Variants in TBC1D23 observed in about 807,000 individuals in gnomAD.
TBC1D23 encodes the protein HCV non-structural protein 4A-transactivated protein 1.
Under a neutral mutation model 91.4 loss-of-function variants are expected in TBC1D23, and 55 were observed. That is an observed-to-expected ratio of 0.60 (90% CI 0.48 to 0.75). The LOEUF (loss-of-function observed/expected upper bound fraction) is 0.75. Among genes scored for constraint, TBC1D23 ranks in the 30% least tolerant of loss-of-function variants. TBC1D23 has a pLI of 0.00. For missense variants in TBC1D23, 725 were observed against 836.1 expected, an observed-to-expected ratio of 0.87 and a Z score of 1.64; for synonymous variants, 289 against 281.0, an observed-to-expected ratio of 1.03 and a Z score of -0.28.
intron 5 of TBC1D23, among the ~76,000 whole-genome samples, chr3:100,294,077 T>TA (rs1452583195): frequency 6.6e-6 from 1 of 152,194 alleles, no homozygotes; most frequent in Non-Finnish European, 1.5e-5. Context: ...CTTTAGCTGT[T>TA]AAAAATTTTT....
intron 16 of TBC1D23, 54 bp from the exon 17 acceptor site, chr3:100,319,015 G>C (rs1471023092): frequency 8.3e-7 from 1 of 1,201,150 alleles, no homozygotes; most frequent in African/African-American, 1.6e-5. Context: ...GTTAGGGAAT[G>C]TATCATTTTA....
intron 11 of TBC1D23, 68 bp downstream of exon 11, chr3:100,302,305 T>C: frequency 7.6e-7 from 1 of 1,322,502 alleles, no homozygotes; most frequent in Non-Finnish European, 1.0e-6. Context: ...TTTACATAGA[T>C]AACTTTTTGC....
intron 1 of TBC1D23, among the ~76,000 whole-genome samples, chr3:100,270,840 C>T (rs939335622): frequency 6.7e-4 from 102 of 151,842 alleles, no homozygotes; most frequent in Non-Finnish European, 1.2e-3. Context: ...TAGACTTTGG[C>T]CACTTTAAGA....
chr3:100,272,635 A>G (rs2067609098), intron 1 of TBC1D23, among the ~76,000 whole-genome samples: 1 of 152,150 alleles, frequency 6.6e-6, no homozygotes, highest in Admixed American at 6.5e-5. Flanking sequence ...CATATGGAGG[A>G]TCCCGCCAGC....
intron 14 of TBC1D23, among the ~76,000 whole-genome samples, chr3:100,310,775 C>T (rs760640328): frequency 9.2e-5 from 14 of 152,300 alleles, no homozygotes; most frequent in Non-Finnish European, 1.8e-4. Flanking sequence ...CACATCATGC[C>T]ATTCACTAAA....
At chr3:100,296,585 C>CT in intron 8 of TBC1D23, among the ~76,000 whole-genome samples, 1 of 151,996 alleles carries the variant, frequency 6.6e-6, no homozygotes, top group Non-Finnish European at 1.5e-5. Flanking sequence ...CAGGGCCGGG[C>CT]GTGGTGGCTC....
chr3:100,286,050 G>A (rs2067739331), intron 4 of TBC1D23, among the ~76,000 whole-genome samples: 1 of 152,048 alleles, frequency 6.6e-6, no homozygotes, highest in African/African-American at 2.4e-5. Context: ...AGGTGATTCT[G>A]ATATGCACCA....
intron 16 of TBC1D23, among the ~76,000 whole-genome samples, chr3:100,317,402 T>C (rs2148872624): frequency 6.6e-6 from 1 of 152,342 alleles, no homozygotes; most frequent in African/African-American, 2.4e-5. Flanking sequence ...GTCTTCCAGT[T>C]GACACTGGTG....
At chr3:100,261,205 C>G in intron 1 of TBC1D23, 134 bp downstream of exon 1, 1 of 815,632 alleles carries the variant, frequency 1.2e-6, no homozygotes, top group Non-Finnish European at 2.0e-6. Flanking sequence ...GTGCCCTGCC[C>G]TACCCCTCTG....
At chr3:100,314,601 G>A (rs1017330152) in intron 15 of TBC1D23, among the ~76,000 whole-genome samples, 1 of 151,960 alleles carries the variant, frequency 6.6e-6, no homozygotes, top group Non-Finnish European at 1.5e-5. Flanking sequence ...TCCTGTCTCT[G>A]AAAAAATAAA....
intron 1 of TBC1D23, 59 bp downstream of exon 1, chr3:100,261,130 G>A: frequency 6.5e-7 from 1 of 1,536,370 alleles, no homozygotes; most frequent in East Asian, 2.3e-5. Flanking sequence ...TCACCATCTT[G>A]CCGGTCCCCG....
Position 100,302,168 on chromosome 3 carries a change from CTG to C in TBC1D23, c.1196_1197del (p.Cys399PhefsTer46). The C allele has an allele frequency of 1.2e-6, 2 of 1,614,056 alleles. No homozygotes were observed. Among genetic ancestry groups the C allele is most frequent in the African/African-American group, 2.7e-5 (2 of 75,040 alleles). On this transcript the variant is annotated frameshift_variant, in exon 11 of 19. Transcript: ENST00000394144. LOFTEE classifies it high-confidence loss of function. ...SGSIAGGEHL[C>X]FMGSGREEED... The stretch of plus-strand genomic sequence containing the variant: ...GCTCCATAGCTGGTGGGGAGCACCT[CTG>C]TTTTATGGGCAGTGGCAGGGAGGAA...
intron 15 of TBC1D23, 80 bp from the exon 16 acceptor site, chr3:100,316,019 G>A: frequency 8.7e-7 from 1 of 1,147,886 alleles, no homozygotes; most frequent in South Asian, 1.2e-5. Flanking sequence ...CATTTTGTGT[G>A]AATATTCAAA....
At position 100,299,068 on chromosome 3, in the gene TBC1D23, A is replaced by G. The variant is rs1408532644; in HGVS notation, c.1000-171A>G. ...GTTTTAACTGTTTAAAAGAAATAAA[A>G]GTATTTAGGACCTTCGGGTTATTTT... On this transcript the variant is annotated intron_variant, in intron 9 of 18. Coordinates refer to ENST00000394144, the MANE Select transcript of TBC1D23 (RefSeq NM_001199198.3). Among the ~76,000 whole-genome samples, 7 of 152,370 alleles carry G rather than the reference A, an allele frequency of 4.6e-5. No individual in the cohort carries two copies. In the East Asian group the frequency reaches 1.2e-3, roughly 25 times the overall value.
At chr3:100,319,303 A>G (rs1705808787) in intron 17 of TBC1D23, 99 bp downstream of exon 17, 1 of 948,358 alleles carries the variant, frequency 1.1e-6, no homozygotes, top group Non-Finnish European at 1.6e-6. Flanking sequence ...TCCTAGTACA[A>G]TAAGATATAA....
At chr3:100,304,286 CTTTGT>C (rs1235004455) in intron 11 of TBC1D23, among the ~76,000 whole-genome samples, 2 of 151,984 alleles carry the variant, frequency 1.3e-5, no homozygotes, top group African/African-American at 4.8e-5. Context: ...GTTCAGACTT[CTTTGT>C]TTAGGGGAAG....
intron 15 of TBC1D23, among the ~76,000 whole-genome samples, chr3:100,313,572 C>T (rs562030153): frequency 5.6e-4 from 86 of 152,222 alleles, no homozygotes; most frequent in South Asian, 1.2e-3. Context: ...TCTTGATTAA[C>T]AATTAATAAT....
At position 100,324,037 on chromosome 3, in the gene TBC1D23, G is replaced by A. The variant is rs958376660; in HGVS notation, c.*369G>A. On this transcript the variant is annotated 3_prime_UTR_variant, in exon 19 of 19. Transcript: ENST00000394144. ...ACAACTGTACACATACATATCTGCA[G>A]TGTCTTCACTGAAAATTAGAGATAG... 2.0e-5 allele frequency: 3 copies of A among 152,360 alleles called. No homozygotes were observed. Among genetic ancestry groups the A allele is most frequent in the Non-Finnish European group, 2.9e-5 (2 of 68,118 alleles). 9.4% of individuals were successfully genotyped at this position (152,360 alleles called of 1,614,324 possible). A position where few individuals can be genotyped will look rare whatever the true frequency, so the allele number is the denominator to read the frequency against.
chr3:100,270,354 G>A (rs1366663668), intron 1 of TBC1D23, among the ~76,000 whole-genome samples: 1 of 152,208 alleles, frequency 6.6e-6, no homozygotes, highest in Non-Finnish European at 1.5e-5. Context: ...TGCAGTGTAT[G>A]TAAAGGGGAC....
Sources: allele counts gnomAD v4.1 joint callset (sites outside exome capture counted in the v4.1 genomes callset), GRCh38; gene constraint gnomAD v4.1.1; transcripts MANE v1.5; gene names NCBI Gene and HGNC (gene_info 2026-07-23, HGNC 2026-07-21).